PPARGC1A: variants seen among roughly 807,000 people sequenced by gnomAD.
PPARGC1A encodes peroxisome proliferator-activated receptor gamma coactivator 1-alpha.
A neutral mutation model predicts 88.7 loss-of-function variants in PPARGC1A; 25 were observed. The observed-to-expected ratio is 0.28, with a 90% CI of 0.21 to 0.39. The LOEUF is 0.39. PPARGC1A is among the 10% of genes least tolerant of loss of function. PPARGC1A has a pLI of 1.00. For synonymous variants in PPARGC1A, 363 were observed against 355.6 expected (o/e 1.02, Z -0.24); for missense variants, 880 against 968.7 (o/e 0.91, Z 1.22).
chr4:24,250,673 T>G, the PPARGC1A span, among the ~76,000 whole-genome samples: 34 of 152,060 alleles, frequency 2.2e-4, no homozygotes, highest in Middle Eastern at 6.8e-3. Flanking sequence ...CTAAATAACT[T>G]CCAAATAGCA....
At chr4:24,285,758 T>C in the PPARGC1A span, among the ~76,000 whole-genome samples, 7 of 152,188 alleles carry the variant, frequency 4.6e-5, no homozygotes, top group African/African-American at 9.7e-5. Flanking sequence ...TGCTCAACCA[T>C]TTCTCTGCAG....
chr4:24,288,563 T>A, the PPARGC1A span, among the ~76,000 whole-genome samples: 1 of 152,200 alleles, frequency 6.6e-6, no homozygotes, highest in African/African-American at 2.4e-5. Flanking sequence ...TGGAGGAAAA[T>A]GACATTTTTG....
At chr4:24,305,578 C>T in the PPARGC1A span, among the ~76,000 whole-genome samples, 3 of 152,082 alleles carry the variant, frequency 2.0e-5, no homozygotes, top group South Asian at 4.1e-4. Context: ...TTTGGGAAGC[C>T]GAGGCAGGTG....
chr4:23,974,042 T>G, the PPARGC1A span, among the ~76,000 whole-genome samples: 1 of 152,168 alleles, frequency 6.6e-6, no homozygotes, highest in Non-Finnish European at 1.5e-5. Flanking sequence ...AGAGAGGGAC[T>G]TCTGATGGCA....
the PPARGC1A span, among the ~76,000 whole-genome samples, chr4:24,135,350 A>G: frequency 1.3e-5 from 2 of 152,132 alleles, no homozygotes; most frequent in Non-Finnish European, 2.9e-5. Flanking sequence ...CCTCATCTCC[A>G]TTAAGTTAGG....
chr4:24,063,983 T>A, the PPARGC1A span, among the ~76,000 whole-genome samples: 1 of 152,018 alleles, frequency 6.6e-6, no homozygotes, highest in Non-Finnish European at 1.5e-5. Context: ...CAGCAGGGAA[T>A]CTGTGTTCGA....
chr4:24,062,861 C>A, the PPARGC1A span, among the ~76,000 whole-genome samples: 1 of 152,080 alleles, frequency 6.6e-6, no homozygotes, highest in Admixed American at 6.5e-5. Context: ...TTTTTTAGTC[C>A]TTGTATTTTT....
At chr4:24,228,831 A>G in the PPARGC1A span, among the ~76,000 whole-genome samples, 1 of 152,178 alleles carries the variant, frequency 6.6e-6, no homozygotes, top group African/African-American at 2.4e-5. Context: ...TCAAAAGTCG[A>G]TATTTATCAG....
At chr4:24,440,847 G>T in the PPARGC1A span, among the ~76,000 whole-genome samples, 3 of 151,900 alleles carry the variant, frequency 2.0e-5, no homozygotes, top group Non-Finnish European at 2.9e-5. Context: ...TTATTTAATT[G>T]CCAACATTTA....
the PPARGC1A span, among the ~76,000 whole-genome samples, chr4:24,107,968 A>G: frequency 1.3e-5 from 2 of 152,204 alleles, no homozygotes; most frequent in African/African-American, 2.4e-5. Flanking sequence ...AAAAAATTCA[A>G]TAGAAGACAA....
At chr4:24,315,785 T>G in the PPARGC1A span, among the ~76,000 whole-genome samples, 4 of 152,172 alleles carry the variant, frequency 2.6e-5, no homozygotes, top group Non-Finnish European at 5.9e-5. Flanking sequence ...TGGTCCCAAA[T>G]GTCAATACTG....
the PPARGC1A span, among the ~76,000 whole-genome samples, chr4:23,940,088 G>A: frequency 6.6e-6 from 1 of 152,182 alleles, no homozygotes; most frequent in Non-Finnish European, 1.5e-5. Context: ...ATACAAATTT[G>A]TAAAATGTAA....
At chr4:24,437,661 T>A in the PPARGC1A span, among the ~76,000 whole-genome samples, 1 of 136,650 alleles carries the variant, frequency 7.3e-6, no homozygotes, top group Non-Finnish European at 1.7e-5. Context: ...TTTTGGGGGT[T>A]TTTTTCTTTC....
chr4:24,085,364 T>C, the PPARGC1A span, among the ~76,000 whole-genome samples: 2 of 152,234 alleles, frequency 1.3e-5, no homozygotes, highest in Non-Finnish European at 2.9e-5. Context: ...ACAAACATTA[T>C]TTCACTGAAC....
chr4:24,228,550 C>T, the PPARGC1A span, among the ~76,000 whole-genome samples: 5 of 152,112 alleles, frequency 3.3e-5, no homozygotes, highest in Middle Eastern at 3.4e-3. Context: ...GTACTATGCT[C>T]GGTACGTGGG....
At chr4:24,101,667 A>T in the PPARGC1A span, among the ~76,000 whole-genome samples, 2 of 152,222 alleles carry the variant, frequency 1.3e-5, no homozygotes, top group Non-Finnish European at 1.5e-5. Context: ...TCAGAATTCA[A>T]ATTCAAATGT....
the PPARGC1A span, among the ~76,000 whole-genome samples, chr4:24,086,690 C>T: frequency 6.6e-6 from 1 of 152,134 alleles, no homozygotes; most frequent in Non-Finnish European, 1.5e-5. Context: ...ATGTGCTTTG[C>T]ACATGGGGGG....
At chr4:24,052,273 G>A in the PPARGC1A span, among the ~76,000 whole-genome samples, 12 of 152,284 alleles carry the variant, frequency 7.9e-5, no homozygotes, top group South Asian at 2.3e-3. Context: ...ATGAGTGAAG[G>A]AAGTGTTTAG....
At chr4:24,206,667 A>G in the PPARGC1A span, among the ~76,000 whole-genome samples, 1 of 151,988 alleles carries the variant, frequency 6.6e-6, no homozygotes, top group Non-Finnish European at 1.5e-5. Flanking sequence ...CTCCACCTCT[A>G]CTAAATACAC....
Sources: gnomAD v4.1 joint callset for allele counts (sites outside exome capture counted in the v4.1 genomes callset) on GRCh38, gnomAD v4.1.1 for gene constraint, MANE v1.5 for transcripts, NCBI Gene and HGNC (gene_info 2026-07-23, HGNC 2026-07-21) for gene names.